Variants in FOCAD observed in about 807,000 individuals in gnomAD.
FOCAD encodes the protein KIAA1797.
FOCAD carries 198 observed loss-of-function variants against 225.6 expected under a neutral mutation model. The ratio of observed to expected loss-of-function variants is 0.88; its 90% CI spans 0.78 to 0.99. The LOEUF (loss-of-function observed/expected upper bound fraction) is 0.99. Ranked by LOEUF, FOCAD falls within the 50% of genes least tolerant of loss-of-function variation. The pLI is 0.00. For synonymous variants in FOCAD, 897 were observed against 755.0 expected, an observed-to-expected ratio of 1.19 and a Z score of -3.08; for missense variants, 2,713 against 2,123.6, an observed-to-expected ratio of 1.28 and a Z score of -5.46.
chr9:20,734,469 T>C (rs1826970786), intron 4 of FOCAD, among the ~76,000 whole-genome samples: 1 of 152,238 alleles, frequency 6.6e-6, no homozygotes, highest in Admixed American at 6.5e-5. Context: ...CTTGCATTTT[T>C]CCACATAGTA....
At chr9:20,963,967 A>G (rs1227949674) in intron 35 of FOCAD, among the ~76,000 whole-genome samples, 1 of 151,990 alleles carries the variant, frequency 6.6e-6, no homozygotes, top group Admixed American at 6.5e-5. Context: ...CTCCGCTGCT[A>G]GAGTCAGTAC....
intron 22 of FOCAD, among the ~76,000 whole-genome samples, chr9:20,909,334 C>G (rs1333868658): frequency 2.0e-5 from 3 of 151,976 alleles, no homozygotes; most frequent in African/African-American, 7.2e-5. Flanking sequence ...GCTCAGGAAC[C>G]CAACAAGCAC....
intron 2 of FOCAD, among the ~76,000 whole-genome samples, chr9:20,662,798 G>A (rs1821772447): frequency 6.6e-6 from 1 of 152,072 alleles, no homozygotes; most frequent in African/African-American, 2.4e-5. Context: ...TTGGCTCAGA[G>A]CCTGCTTTTG....
At chr9:20,785,732 G>T (rs1563987687) in intron 10 of FOCAD, among the ~76,000 whole-genome samples, 3 of 151,994 alleles carry the variant, frequency 2.0e-5, no homozygotes, top group East Asian at 3.9e-4. Context: ...ATCAGTTTTT[G>T]TGTGGACAAA....
chr9:20,878,681 G>T (rs1830427379), intron 19 of FOCAD, among the ~76,000 whole-genome samples: 1 of 152,184 alleles, frequency 6.6e-6, no homozygotes, highest in Non-Finnish European at 1.5e-5. Context: ...ATAGATATAT[G>T]AGGGGACCGA....
At chr9:20,837,793 C>T (rs1449832193) in intron 15 of FOCAD, among the ~76,000 whole-genome samples, 1 of 152,006 alleles carries the variant, frequency 6.6e-6, no homozygotes, top group African/African-American at 2.4e-5. Flanking sequence ...GGCTTAAACT[C>T]GTTTCTGTGC....
At chr9:20,798,160 C>T (rs1018368211) in intron 11 of FOCAD, among the ~76,000 whole-genome samples, 43 of 152,110 alleles carry the variant, frequency 2.8e-4, no homozygotes, top group African/African-American at 8.4e-4. Context: ...TATTGATTTG[C>T]GTATGTTGAA....
At chr9:20,934,421 T>A (rs1835764344) in intron 28 of FOCAD, among the ~76,000 whole-genome samples, 1 of 151,772 alleles carries the variant, frequency 6.6e-6, no homozygotes, top group South Asian at 2.1e-4. Flanking sequence ...ACAGTTTTAT[T>A]CTCTTACATG....
rs1435860972 is a variant in FOCAD, at chr9:20,800,747, G to A, written c.1455+11139G>A. ...CTTTGGTTATTCTGGTTAGCCATTC[G>A]TCTAATTTTTTTTCAAGGTTTTTAA... On this transcript the variant is annotated intron_variant, in intron 11 of 43. Coordinates refer to ENST00000338382, the MANE Select transcript of FOCAD (RefSeq NM_001375567.1). Among the ~76,000 whole-genome samples the A allele has an allele frequency of 2.0e-5, 3 of 152,018 alleles. No individual in the cohort carries two copies. In the South Asian group the frequency reaches 6.2e-4, roughly 32 times the overall value.
chr9:20,894,102 A>T (rs1335476980), intron 21 of FOCAD, among the ~76,000 whole-genome samples: 1 of 152,078 alleles, frequency 6.6e-6, no homozygotes, highest in Non-Finnish European at 1.5e-5. Context: ...TGCCTTTTCC[A>T]GAATGTCAAG....
At position 20,981,469 on chromosome 9, in the gene FOCAD, TA is replaced by T. The variant is rs1426209009; in HGVS notation, c.4425del (p.Lys1475AsnfsTer15). On this transcript the variant is annotated frameshift_variant, in exon 38 of 44. Transcript: ENST00000338382. LOFTEE classifies it high-confidence loss of function. ...RYLLISAPLW[I>X]KHISDEQILG... ...CTCCTGATATCTGCACCTCTGTGGATAAAACACATCTCTGATGAACAGATCC... is the reference window on the plus strand; with the variant it reads ...CTCCTGATATCTGCACCTCTGTGGATAAACACATCTCTGATGAACAGATCC... 6 of 1,614,196 alleles carry T rather than the reference TA, an allele frequency of 3.7e-6. No individual in the cohort carries two copies. The highest frequency in any genetic ancestry group is 4.2e-6 in the Non-Finnish European group (5 of 1,179,994).
At chr9:20,866,053 A>T in intron 17 of FOCAD, 77 bp downstream of exon 17, 1 of 1,211,358 alleles carries the variant, frequency 8.3e-7, no homozygotes, top group South Asian at 1.4e-5. Flanking sequence ...TAAGACTCTT[A>T]GGATAAAAAG....
chr9:20,915,340 G>C (rs1833780043), intron 23 of FOCAD, among the ~76,000 whole-genome samples: 1 of 152,104 alleles, frequency 6.6e-6, no homozygotes, highest in African/African-American at 2.4e-5. Flanking sequence ...AAGATGAAGA[G>C]GGAACCAATA....
At position 20,717,852 on chromosome 9, in the gene FOCAD, A is replaced by C; in HGVS notation, c.116A>C (p.His39Pro). The C allele has an allele frequency of 6.2e-7, 1 of 1,612,346 alleles. No individual in the cohort carries two copies. The highest frequency in any genetic ancestry group is 8.5e-7 in the Non-Finnish European group (1 of 1,179,146). ...LKENGFSEKI[H>P]QSTNQTPALN... ...GAAAATGGTTTTTCAGAAAAGATTC[A>C]CCAATCTACAAATCAGGTCTGTGTT... Residue 39 changes from histidine to proline, a missense_variant, in exon 3 of 44, where the codon CAC (histidine) becomes CCC (proline). His to Pro is a moderately conservative substitution (Grantham distance 77). Transcript: ENST00000338382.
At chr9:20,906,599 C>T (rs1423845392) in intron 21 of FOCAD, among the ~76,000 whole-genome samples, 2 of 151,858 alleles carry the variant, frequency 1.3e-5, no homozygotes, top group Non-Finnish European at 2.9e-5. Flanking sequence ...TCTTGTTTAC[C>T]CACACTGATT....
intron 11 of FOCAD, among the ~76,000 whole-genome samples, chr9:20,818,373 CG>C (rs1340692356): frequency 1.3e-5 from 2 of 152,100 alleles, no homozygotes; most frequent in Non-Finnish European, 2.9e-5. Flanking sequence ...AGCATTTTTA[CG>C]TTGATGAAAT....
intron 21 of FOCAD, among the ~76,000 whole-genome samples, chr9:20,896,480 A>G (rs1832099723): frequency 6.6e-6 from 1 of 151,908 alleles, no homozygotes; most frequent in South Asian, 2.1e-4. Flanking sequence ...CAGTGAACAC[A>G]TGTGGGAGTG....
At chr9:20,710,781 G>T (rs1824784219) in intron 1 of FOCAD, among the ~76,000 whole-genome samples, 1 of 152,036 alleles carries the variant, frequency 6.6e-6, no homozygotes, top group African/African-American at 2.4e-5. Flanking sequence ...TATAAAAGAG[G>T]TATCATTTAT....
At chr9:20,817,943 C>G (rs1051026635) in intron 11 of FOCAD, among the ~76,000 whole-genome samples, 1 of 152,066 alleles carries the variant, frequency 6.6e-6, no homozygotes, top group Non-Finnish European at 1.5e-5. Flanking sequence ...CTATGTTTAC[C>G]TATTTAAGAA....
Sources: allele counts gnomAD v4.1 joint callset (sites outside exome capture counted in the v4.1 genomes callset), GRCh38; gene constraint gnomAD v4.1.1; transcripts MANE v1.5; gene names NCBI Gene and HGNC (gene_info 2026-07-23, HGNC 2026-07-21).